The following GRID2 variants were observed in gnomAD, a reference collection of about 807,000 sequenced individuals.
GRID2 encodes glutamate receptor ionotropic, delta-2.
A neutral mutation model predicts 114.8 loss-of-function variants in GRID2; 33 were observed. That is an observed-to-expected ratio of 0.29 (90% CI 0.22 to 0.38). The LOEUF (loss-of-function observed/expected upper bound fraction) is 0.38, where lower values mean the gene tolerates loss of function less well. Among genes scored for constraint, GRID2 ranks in the 10% least tolerant of loss-of-function variants. The pLI, the probability that GRID2 is intolerant of heterozygous loss-of-function variation, is 1.00. For synonymous variants in GRID2, 505 were observed against 449.9 expected (o/e 1.12, Z -1.55); for missense variants, 1,184 against 1,257.7 (o/e 0.94, Z 0.89).
At chr4:92,758,597 C>T (rs140845224) in intron 2 of GRID2, among the ~76,000 whole-genome samples, 3,080 of 151,992 alleles carry the variant, frequency 0.02, 119 homozygotes, top group African/African-American at 0.07. Context: ...ACCTGAACTC[C>T]GCTGCTGATT....
At chr4:93,595,085 C>A (rs1313404014) in intron 13 of GRID2, among the ~76,000 whole-genome samples, 1 of 152,046 alleles carries the variant, frequency 6.6e-6, no homozygotes, top group Non-Finnish European at 1.5e-5. Flanking sequence ...TCCCTCCACT[C>A]CCCTGCTTTT....
intron 1 of GRID2, among the ~76,000 whole-genome samples, chr4:92,440,160 G>C (rs1468391242): frequency 6.8e-6 from 1 of 146,056 alleles, no homozygotes; most frequent in Admixed American, 6.8e-5. Flanking sequence ...GGCTGAGCTT[G>C]GTGAGGTGTG....
intron 2 of GRID2, among the ~76,000 whole-genome samples, chr4:92,843,168 G>A (rs1210582094): frequency 6.6e-6 from 1 of 152,048 alleles, no homozygotes; most frequent in African/African-American, 2.4e-5. Context: ...CTTGAACCAG[G>A]GAGGTAGAGG....
At chr4:93,500,178 C>G (rs1426327982) in intron 12 of GRID2, among the ~76,000 whole-genome samples, 1 of 151,882 alleles carries the variant, frequency 6.6e-6, no homozygotes, top group Non-Finnish European at 1.5e-5. Context: ...GAATTCTTTG[C>G]CACTTAATAG....
intron 4 of GRID2, among the ~76,000 whole-genome samples, chr4:93,123,689 T>C (rs1187042757): frequency 1.3e-5 from 2 of 152,114 alleles, no homozygotes; most frequent in African/African-American, 4.8e-5. Context: ...AGTTGCTACC[T>C]GAAACCTAAT....
chr4:93,173,697 A>G (rs1230362596), intron 4 of GRID2, among the ~76,000 whole-genome samples: 1 of 151,982 alleles, frequency 6.6e-6, no homozygotes. Flanking sequence ...TGGTGTGATC[A>G]TGGCTCACTG....
At chr4:93,511,962 T>C (rs1485727083) in intron 12 of GRID2, among the ~76,000 whole-genome samples, 1 of 151,958 alleles carries the variant, frequency 6.6e-6, no homozygotes, top group Non-Finnish European at 1.5e-5. Context: ...TTTTTTTGTC[T>C]TTTTAATAGA....
At chr4:92,837,900 A>G (rs1334545779) in intron 2 of GRID2, among the ~76,000 whole-genome samples, 1 of 152,090 alleles carries the variant, frequency 6.6e-6, no homozygotes, top group Non-Finnish European at 1.5e-5. Context: ...CTTTATGGCA[A>G]ATGTCTCCTT....
intron 1 of GRID2, among the ~76,000 whole-genome samples, chr4:92,375,438 G>A (rs760570247): frequency 5.9e-5 from 9 of 152,042 alleles, no homozygotes; most frequent in Non-Finnish European, 1.3e-4. Context: ...GAAAATTATA[G>A]TATCCTCTAC....
At chr4:92,788,657 A>G (rs1183134117) in intron 2 of GRID2, among the ~76,000 whole-genome samples, 1 of 151,766 alleles carries the variant, frequency 6.6e-6, no homozygotes, top group Non-Finnish European at 1.5e-5. Flanking sequence ...TAAAATTATG[A>G]TCTTAATTTT....
At chr4:93,480,957 T>C (rs2149446588) in intron 11 of GRID2, among the ~76,000 whole-genome samples, 1 of 152,122 alleles carries the variant, frequency 6.6e-6, no homozygotes, top group South Asian at 2.1e-4. Context: ...ATTTCATGCA[T>C]TTTTGGTTCA....
intron 2 of GRID2, among the ~76,000 whole-genome samples, chr4:92,708,784 G>T (rs1011209538): frequency 3.3e-5 from 5 of 152,154 alleles, no homozygotes; most frequent in Admixed American, 1.3e-4. Flanking sequence ...AAATTAGCCA[G>T]GCATGGTGGT....
At chr4:93,615,970 G>T (rs1361013401) in intron 13 of GRID2, among the ~76,000 whole-genome samples, 1 of 151,926 alleles carries the variant, frequency 6.6e-6, no homozygotes, top group Non-Finnish European at 1.5e-5. Flanking sequence ...AATTAGAGAA[G>T]GACATTTCTT....
intron 1 of GRID2, among the ~76,000 whole-genome samples, chr4:92,441,752 G>T (rs1047189171): frequency 1.1e-4 from 16 of 151,800 alleles, no homozygotes; most frequent in Admixed American, 9.2e-4. Flanking sequence ...TTAATGAGAT[G>T]GTAAGGGGTG....
At chr4:92,410,860 A>C (rs1731265114) in intron 1 of GRID2, among the ~76,000 whole-genome samples, 1 of 147,114 alleles carries the variant, frequency 6.8e-6, no homozygotes, top group African/African-American at 2.5e-5. Flanking sequence ...TTTTTTGCAA[A>C]GAAACACATG....
At chr4:93,472,438 A>C (rs889014484) in intron 11 of GRID2, among the ~76,000 whole-genome samples, 11 of 152,170 alleles carry the variant, frequency 7.2e-5, no homozygotes, top group Admixed American at 2.0e-4. Context: ...ATGAAATACT[A>C]CTGAATATAT....
At chr4:92,901,907 A>G (rs1216329971) in intron 2 of GRID2, among the ~76,000 whole-genome samples, 2 of 151,888 alleles carry the variant, frequency 1.3e-5, no homozygotes, top group East Asian at 3.9e-4. Context: ...AGGATTCTTT[A>G]CTGCTCAATT....
intron 13 of GRID2, among the ~76,000 whole-genome samples, chr4:93,597,455 C>T (rs953198395): frequency 2.0e-5 from 3 of 152,116 alleles, no homozygotes; most frequent in Non-Finnish European, 4.4e-5. Flanking sequence ...TCCTAGGATG[C>T]GTTAGGAGTC....
chr4:92,684,333 T>G (rs1425881132), intron 2 of GRID2, among the ~76,000 whole-genome samples: 1 of 152,006 alleles, frequency 6.6e-6, no homozygotes, highest in Non-Finnish European at 1.5e-5. Flanking sequence ...CTTGGATTTT[T>G]TTTTACTATT....
Sources: allele counts gnomAD v4.1 joint callset (sites outside exome capture counted in the v4.1 genomes callset), GRCh38; gene constraint gnomAD v4.1.1; transcripts MANE v1.5; gene names NCBI Gene and HGNC (gene_info 2026-07-23, HGNC 2026-07-21).